GALNT2: variants seen among roughly 807,000 people sequenced by gnomAD.
GALNT2 encodes the protein UDP-GalNAc:polypeptide N-acetylgalactosaminyltransferase 2.
A neutral mutation model predicts 81.4 loss-of-function variants in GALNT2; 31 were observed. The ratio of observed to expected loss-of-function variants is 0.38; its 90% CI spans 0.29 to 0.51. The LOEUF (loss-of-function observed/expected upper bound fraction) is 0.51, where lower values mean the gene tolerates loss of function less well. Ranked by LOEUF, GALNT2 falls within the 20% of genes least tolerant of loss-of-function variation. The probability of loss-of-function intolerance (pLI) is 0.87; values close to 1 mark genes in which losing one functional copy is unlikely to be tolerated. For synonymous variants in GALNT2, 303 were observed against 287.4 expected (o/e 1.05, Z -0.55); for missense variants, 629 against 765.7 (o/e 0.82, Z 2.11).
At chr1:230,246,341 T>C (rs1217769696) in intron 8 of GALNT2, among the ~76,000 whole-genome samples, 191 bp downstream of exon 8, 1 of 152,212 alleles carries the variant, frequency 6.6e-6, no homozygotes, top group East Asian at 1.9e-4. Context: ...CTTGCTCCCT[T>C]AAAGAGCTTC....
At chr1:230,141,471 A>C (rs1661730932) in intron 1 of GALNT2, among the ~76,000 whole-genome samples, 1 of 152,054 alleles carries the variant, frequency 6.6e-6, no homozygotes, top group African/African-American at 2.4e-5. Context: ...TCCCCCTGGC[A>C]ACCACCATTC....
intron 1 of GALNT2, among the ~76,000 whole-genome samples, chr1:230,096,562 C>G (rs1660260467): frequency 6.6e-6 from 1 of 152,128 alleles, no homozygotes; most frequent in South Asian, 2.1e-4. Flanking sequence ...CACCATCATC[C>G]TGTTTGAAAG....
intron 1 of GALNT2, among the ~76,000 whole-genome samples, chr1:230,069,423 A>G (rs752379404): frequency 1.3e-5 from 2 of 152,210 alleles, no homozygotes; most frequent in Non-Finnish European, 2.9e-5. Context: ...ACGAACCATA[A>G]AATTTAATGC....
chr1:230,068,547 G>A (rs1659277990), intron 1 of GALNT2, among the ~76,000 whole-genome samples: 1 of 152,236 alleles, frequency 6.6e-6, no homozygotes, highest in Non-Finnish European at 1.5e-5. Context: ...TGGAACAAGA[G>A]AGTGGTATCC....
chr1:230,210,659 A>G (rs1664206029), intron 3 of GALNT2, among the ~76,000 whole-genome samples: 1 of 152,234 alleles, frequency 6.6e-6, no homozygotes, highest in Non-Finnish European at 1.5e-5. Flanking sequence ...GTTTAGAAGA[A>G]TTACTAAAGA....
chr1:230,256,212 G>T (rs1665710273), intron 11 of GALNT2, among the ~76,000 whole-genome samples: 1 of 152,184 alleles, frequency 6.6e-6, no homozygotes, highest in African/African-American at 2.4e-5. Flanking sequence ...GCCGAGATGG[G>T]CAGATCACCT....
In GALNT2 at chr1:230,257,892, T is replaced by C. The variant is rs531607918; in HGVS notation, c.1136+2548T>C. Among the ~76,000 whole-genome samples the C allele has an allele frequency of 6.6e-6, 1 of 152,176 alleles. No individual in the cohort carries two copies. The highest frequency in any genetic ancestry group is 1.9e-4 in the East Asian group (1 of 5,170). ...GGGAAAGCCTTGGGGTGGGTGTGGGTGTGGGGATTGCTAGCTTATCTTTTG... is the reference window on the plus strand; with the variant it reads ...GGGAAAGCCTTGGGGTGGGTGTGGGCGTGGGGATTGCTAGCTTATCTTTTG... On this transcript the variant is annotated intron_variant, in intron 11 of 15. Coordinates refer to ENST00000366672, the MANE Select transcript of GALNT2 (RefSeq NM_004481.5). This position sits in a 1 kb window ranked among gnomAD's most constrained non-coding sequence, Gnocchi z 4.6.
chr1:230,058,767 G>A (rs985742667), intron 1 of GALNT2, among the ~76,000 whole-genome samples: 21 of 152,166 alleles, frequency 1.4e-4, no homozygotes, highest in Admixed American at 9.8e-4. Flanking sequence ...TGGGAAGACA[G>A]CAGCAGGTGG....
intron 3 of GALNT2, among the ~76,000 whole-genome samples, chr1:230,211,634 G>A (rs574843628): frequency 1.8e-4 from 27 of 152,198 alleles, no homozygotes; most frequent in Non-Finnish European, 3.7e-4. Context: ...TTACTCTAGT[G>A]TGGTGGTGTG....
rs534924647 is a variant in GALNT2, at chr1:230,232,536, A to G, written c.375-3478A>G. Reference sequence around the variant, plus strand: ...AATGCTGCCTTATGTCTCTTTTTAAATTCTCCTATAGCTGCATAAGCTCAT... The same window carrying G: ...AATGCTGCCTTATGTCTCTTTTTAAGTTCTCCTATAGCTGCATAAGCTCAT... On this transcript the variant is annotated intron_variant, in intron 3 of 15. Transcript: ENST00000366672. 3.3e-5 allele frequency among the ~76,000 whole-genome samples: 5 copies of G among 152,260 alleles called. No homozygotes were observed. In the South Asian group the frequency reaches 1.0e-3, roughly 32 times the overall value.
At chr1:230,200,444 T>G (rs1326031410) in intron 2 of GALNT2, among the ~76,000 whole-genome samples, 1 of 152,186 alleles carries the variant, frequency 6.6e-6, no homozygotes, top group Non-Finnish European at 1.5e-5. Context: ...GGCCTGTGTG[T>G]GCTTATTCTC....
intron 1 of GALNT2, among the ~76,000 whole-genome samples, chr1:230,131,818 C>T (rs1215419170): frequency 6.6e-6 from 1 of 152,204 alleles, no homozygotes; most frequent in Non-Finnish European, 1.5e-5. Context: ...AACTGTTTCT[C>T]ATAAATGCAG....
intron 11 of GALNT2, among the ~76,000 whole-genome samples, chr1:230,261,270 A>C (rs1242625307): frequency 6.6e-6 from 1 of 152,204 alleles, no homozygotes; most frequent in Non-Finnish European, 1.5e-5. Flanking sequence ...TCCATATTCT[A>C]CTTACTAAAA....
chr1:230,190,033 C>G (rs1164727594), intron 2 of GALNT2, among the ~76,000 whole-genome samples: 1 of 152,172 alleles, frequency 6.6e-6, no homozygotes, highest in African/African-American at 2.4e-5. Flanking sequence ...CCGTGTGACA[C>G]TTGTGGGGAG....
chr1:230,152,354 CTCTT>C (rs1301481925), intron 1 of GALNT2, among the ~76,000 whole-genome samples: 2 of 152,160 alleles, frequency 1.3e-5, no homozygotes, highest in Non-Finnish European at 2.9e-5. Context: ...TCGAACCTGA[CTCTT>C]TCAAAGATGA....
intron 1 of GALNT2, among the ~76,000 whole-genome samples, chr1:230,125,493 C>T (rs945497374): frequency 3.3e-5 from 5 of 152,202 alleles, no homozygotes; most frequent in African/African-American, 1.2e-4. Flanking sequence ...GCGTTTGGAT[C>T]GTGAGTCTTT....
chr1:230,095,972 A>G (rs773413699), intron 1 of GALNT2, among the ~76,000 whole-genome samples: 11 of 152,224 alleles, frequency 7.2e-5, no homozygotes, highest in Non-Finnish European at 1.6e-4. Context: ...TGTTTAAGCC[A>G]TGACGTTTTG....
At chr1:230,249,354 G>A in intron 9 of GALNT2, 83 bp downstream of exon 9, 2 of 1,214,168 alleles carry the variant, frequency 1.6e-6, no homozygotes, top group South Asian at 2.6e-5. Context: ...ACCGCCTGGA[G>A]ACCCAGTGGG....
chr1:230,099,780 C>CT (rs1265052768), intron 1 of GALNT2, among the ~76,000 whole-genome samples: 2 of 152,310 alleles, frequency 1.3e-5, no homozygotes, highest in Admixed American at 1.3e-4. Flanking sequence ...TTGGCTGAAC[C>CT]CAAAAGGGCT....
Sources: gnomAD v4.1 joint callset for allele counts (sites outside exome capture counted in the v4.1 genomes callset) on GRCh38, gnomAD v4.1.1 for gene constraint, Gnocchi (gnomAD v3.1) non-coding constraint, MANE v1.5 for transcripts, NCBI Gene and HGNC (gene_info 2026-07-23, HGNC 2026-07-21) for gene names.